The following TYW1 variants were observed in gnomAD, a reference collection of about 807,000 sequenced individuals.
TYW1 encodes tRNA-yW synthesizing protein 1 homolog.
Under a neutral mutation model 96.2 loss-of-function variants are expected in TYW1, and 46 were observed. The ratio of observed to expected loss-of-function variants is 0.48; its 90% CI spans 0.38 to 0.61. TYW1 has a LOEUF of 0.61. Ranked by LOEUF, TYW1 falls within the 20% of genes least tolerant of loss-of-function variation. TYW1 has a pLI of 0.00. For synonymous variants in TYW1, 274 were observed against 323.0 expected (o/e 0.85, Z 1.63); for missense variants, 684 against 909.6 (o/e 0.75, Z 3.19).
At chr7:67,034,189 C>G (rs1174062073) in intron 7 of TYW1, among the ~76,000 whole-genome samples, 1 of 150,328 alleles carries the variant, frequency 6.7e-6, no homozygotes, top group Non-Finnish European at 1.5e-5. Flanking sequence ...CTGCAACCTC[C>G]TCCTTCTGGG....
intron 8 of TYW1, among the ~76,000 whole-genome samples, chr7:67,052,106 T>C (rs913562769): frequency 2.0e-5 from 3 of 152,168 alleles, no homozygotes; most frequent in African/African-American, 7.2e-5. Flanking sequence ...TTTTGAGCAA[T>C]TTAATTATAA....
At chr7:67,105,220 C>T (rs1389578719) in intron 12 of TYW1, among the ~76,000 whole-genome samples, 1 of 152,240 alleles carries the variant, frequency 6.6e-6, no homozygotes, top group Non-Finnish European at 1.5e-5. Flanking sequence ...AGGGCAGGGG[C>T]ACTTGGGTAC....
chr7:67,046,563 T>A (rs537074976), intron 7 of TYW1, among the ~76,000 whole-genome samples: 1 of 152,298 alleles, frequency 6.6e-6, no homozygotes, highest in South Asian at 2.1e-4. Flanking sequence ...TATAAATGAA[T>A]AAATACACAA....
chr7:67,031,053 C>T (rs1240440778), intron 7 of TYW1, among the ~76,000 whole-genome samples: 9 of 139,156 alleles, frequency 6.5e-5, no homozygotes, highest in South Asian at 2.4e-4. Flanking sequence ...ATTAGCTGGG[C>T]GTGGTGGCGC....
chr7:67,219,110 A>G (rs1020173786), intron 15 of TYW1, among the ~76,000 whole-genome samples: 1 of 152,208 alleles, frequency 6.6e-6, no homozygotes, highest in African/African-American at 2.4e-5. Context: ...TTTTATCATG[A>G]AAAACGCGAA....
At chr7:67,102,522 A>G (rs540549552) in intron 12 of TYW1, among the ~76,000 whole-genome samples, 70 of 152,230 alleles carry the variant, frequency 4.6e-4, no homozygotes, top group Non-Finnish European at 8.8e-4. Context: ...GTAAGGTGGC[A>G]GGGTTGGGCT....
At position 66,996,910 on chromosome 7, in the gene TYW1, C is replaced by G; in HGVS notation, c.-69C>G. 1 of 1,611,248 alleles carries G rather than the reference C, an allele frequency of 6.2e-7. No homozygotes were observed. Among genetic ancestry groups the G allele is most frequent in the Non-Finnish European group, 8.5e-7 (1 of 1,178,870 alleles). On this transcript the variant is annotated 5_prime_UTR_variant, in exon 1 of 16. Coordinates refer to ENST00000359626, the MANE Select transcript of TYW1 (RefSeq NM_018264.4). The stretch of plus-strand genomic sequence containing the variant: ...CGCGGCGAGGTAGCTCGGTGCGTCT[C>G]GCGGTACCAGTGCGAATCATCGGGC...
intron 13 of TYW1, among the ~76,000 whole-genome samples, chr7:67,145,765 G>GT (rs11398370): frequency 2.6e-5 from 4 of 151,388 alleles, no homozygotes. Flanking sequence ...TTTGTTTGGG[G>GT]TTTTTTTGAG....
chr7:67,000,180 C>T (rs1478357153), intron 3 of TYW1, among the ~76,000 whole-genome samples: 6 of 152,130 alleles, frequency 3.9e-5, no homozygotes, highest in African/African-American at 1.2e-4. Context: ...AAGCAATCTG[C>T]CCGCCTCGGC....
At chr7:67,123,899 GT>G (rs1797837929) in intron 13 of TYW1, among the ~76,000 whole-genome samples, 2 of 152,190 alleles carry the variant, frequency 1.3e-5, no homozygotes, top group South Asian at 4.1e-4. Flanking sequence ...ATGGTGCAGT[GT>G]TTTGTGTGGA....
At chr7:67,145,894 A>G (rs1031946590) in intron 13 of TYW1, among the ~76,000 whole-genome samples, 3 of 152,070 alleles carry the variant, frequency 2.0e-5, no homozygotes, top group Admixed American at 6.6e-5. Context: ...AGCTGGGACT[A>G]CAGGTGCGTG....
intron 15 of TYW1, among the ~76,000 whole-genome samples, chr7:67,235,688 G>A (rs1348371013): frequency 2.6e-5 from 4 of 152,192 alleles, no homozygotes; most frequent in Non-Finnish European, 4.4e-5. Context: ...TCAGGAGATC[G>A]AGACCATCCT....
At chr7:67,189,377 T>C (rs1800131931) in intron 14 of TYW1, among the ~76,000 whole-genome samples, 3 of 149,140 alleles carry the variant, frequency 2.0e-5, no homozygotes, top group Non-Finnish European at 4.4e-5. Flanking sequence ...TGTGCATGTA[T>C]GTGTGTTCAT....
Position 67,196,291 on chromosome 7 carries a change from T to C in TYW1, c.1977+954T>C, listed in dbSNP as rs879415014. Reference sequence around the variant, plus strand: ...TTTTGTATAATTTCTATTTCCCTGCTGAAGTTTTCAAGCTTGGGTTTTATC... The same window carrying C: ...TTTTGTATAATTTCTATTTCCCTGCCGAAGTTTTCAAGCTTGGGTTTTATC... On this transcript the variant is annotated intron_variant, in intron 15 of 15. Coordinates refer to ENST00000359626, the MANE Select transcript of TYW1 (RefSeq NM_018264.4). Among the ~76,000 whole-genome samples, 3 of 152,220 alleles carry C rather than the reference T, an allele frequency of 2.0e-5. No individual in the cohort carries two copies. In the South Asian group the frequency reaches 6.2e-4, roughly 32 times the overall value.
intron 6 of TYW1, among the ~76,000 whole-genome samples, chr7:67,022,840 A>G (rs1296652166): frequency 4.6e-5 from 7 of 152,312 alleles, no homozygotes; most frequent in African/African-American, 9.6e-5. Flanking sequence ...TGACAAAGCA[A>G]AAGAGAACCA....
At chr7:66,999,036 C>A in intron 3 of TYW1, 82 bp downstream of exon 3, 1 of 1,450,462 alleles carries the variant, frequency 6.9e-7, no homozygotes, top group Non-Finnish European at 9.6e-7. Context: ...TAGCAGTGAA[C>A]TGTCCTTTAG....
intron 13 of TYW1, among the ~76,000 whole-genome samples, chr7:67,162,750 G>A (rs990320719): frequency 6.6e-6 from 1 of 152,190 alleles, no homozygotes; most frequent in Non-Finnish European, 1.5e-5. Flanking sequence ...AGTCATGGGA[G>A]TCTGAGATGA....
intron 14 of TYW1, 73 bp from the exon 15 acceptor site, chr7:67,195,097 G>T (rs1248329083): frequency 7.8e-6 from 12 of 1,543,770 alleles, no homozygotes; most frequent in Non-Finnish European, 8.7e-6. Context: ...AAGGTTTTCC[G>T]GCTCTGAAAG....
chr7:67,203,140 A>C (rs1370590095), intron 15 of TYW1, among the ~76,000 whole-genome samples: 3 of 152,182 alleles, frequency 2.0e-5, no homozygotes, highest in Non-Finnish European at 4.4e-5. Flanking sequence ...TCCGATACCA[A>C]CTATCCCTAG....
Sources: gnomAD v4.1 joint callset for allele counts (sites outside exome capture counted in the v4.1 genomes callset) on GRCh38, gnomAD v4.1.1 for gene constraint, MANE v1.5 for transcripts, NCBI Gene and HGNC (gene_info 2026-07-23, HGNC 2026-07-21) for gene names.